FRAS1: variants seen among roughly 807,000 people sequenced by gnomAD.
FRAS1 encodes extracellular matrix organizing protein FRAS1.
Under a neutral mutation model 435.2 loss-of-function variants are expected in FRAS1, and 290 were observed. The observed-to-expected ratio is 0.67, with a 90% CI of 0.61 to 0.73. The LOEUF (loss-of-function observed/expected upper bound fraction) is 0.73, where lower values mean the gene tolerates loss of function less well. FRAS1 is among the 30% of genes least tolerant of loss of function. The probability of loss-of-function intolerance (pLI) is 0.00; values close to 1 mark genes in which losing one functional copy is unlikely to be tolerated. For missense variants in FRAS1, 4,860 were observed against 5,001.5 expected (o/e 0.97, Z 0.85); for synonymous variants, 1,800 against 1,851.0 (o/e 0.97, Z 0.71).
intron 2 of FRAS1, among the ~76,000 whole-genome samples, chr4:78,068,916 G>A (rs1740193848): frequency 7.0e-6 from 1 of 142,842 alleles, no homozygotes; most frequent in African/African-American, 2.7e-5. Flanking sequence ...ACATGCCCTA[G>A]CGTTAAAGAA....
At chr4:78,325,828 A>G (rs1471078954) in intron 18 of FRAS1, among the ~76,000 whole-genome samples, 1 of 152,224 alleles carries the variant, frequency 6.6e-6, no homozygotes, top group Non-Finnish European at 1.5e-5. Context: ...AGATTTGTAG[A>G]GGGAAAACTT....
At chr4:78,227,140 C>G (rs774497915) in intron 2 of FRAS1, among the ~76,000 whole-genome samples, 1 of 152,146 alleles carries the variant, frequency 6.6e-6, no homozygotes. Flanking sequence ...CTTTCCTTGA[C>G]TAGTTAAGTC....
At chr4:78,526,403 T>C (rs1721535498) in intron 69 of FRAS1, 138 bp from the exon 70 acceptor site, 6 of 572,630 alleles carry the variant, frequency 1.0e-5, no homozygotes, top group Non-Finnish European at 1.9e-5. Flanking sequence ...GAAAATGGTG[T>C]TTGCAGACTT....
At chr4:78,165,397 G>A (rs1043364715) in intron 2 of FRAS1, among the ~76,000 whole-genome samples, 5 of 152,146 alleles carry the variant, frequency 3.3e-5, no homozygotes, top group African/African-American at 7.2e-5. Context: ...ATATGATTTC[G>A]TGGATGGCAC....
At chr4:78,074,677 T>C (rs1438037262) in intron 2 of FRAS1, among the ~76,000 whole-genome samples, 1 of 152,128 alleles carries the variant, frequency 6.6e-6, no homozygotes, top group Non-Finnish European at 1.5e-5. Context: ...TTGCCAGGGA[T>C]TGGTTTAGGA....
chr4:78,536,920 C>A (rs1224992922), intron 71 of FRAS1, 75 bp from the exon 72 acceptor site: 5 of 1,202,450 alleles, frequency 4.2e-6, no homozygotes, highest in Non-Finnish European at 6.1e-6. Context: ...GCATGTTTAA[C>A]CCCTTTCAAC....
chr4:78,456,430 A>G (rs992845061), intron 47 of FRAS1, among the ~76,000 whole-genome samples: 1 of 152,190 alleles, frequency 6.6e-6, no homozygotes, highest in African/African-American at 2.4e-5. Flanking sequence ...GGCATGAGCC[A>G]TGTACCAGGC....
At chr4:78,334,619 T>C (rs888414467) in intron 19 of FRAS1, among the ~76,000 whole-genome samples, 6 of 152,228 alleles carry the variant, frequency 3.9e-5, no homozygotes, top group East Asian at 3.9e-4. Context: ...TCCACCCGCC[T>C]CAGCCTCCCA....
At chr4:78,128,416 T>G (rs973499183) in intron 2 of FRAS1, among the ~76,000 whole-genome samples, 1 of 152,220 alleles carries the variant, frequency 6.6e-6, no homozygotes, top group East Asian at 1.9e-4. Context: ...CAGCACCTGT[T>G]GTTTCCTGAC....
intron 4 of FRAS1, among the ~76,000 whole-genome samples, chr4:78,251,947 G>A (rs1725551754): frequency 6.6e-6 from 1 of 152,058 alleles, no homozygotes; most frequent in Admixed American, 6.6e-5. Flanking sequence ...GACAGAAAGG[G>A]GGGAGTGGAA....
chr4:78,199,699 C>T (rs982115947), intron 2 of FRAS1, among the ~76,000 whole-genome samples: 2 of 152,170 alleles, frequency 1.3e-5, no homozygotes, highest in African/African-American at 4.8e-5. Flanking sequence ...TCCAGACTTC[C>T]ACCTCCTAAG....
chr4:78,333,994 G>T (rs55879884), intron 19 of FRAS1, among the ~76,000 whole-genome samples: 1 of 152,030 alleles, frequency 6.6e-6, no homozygotes, highest in Non-Finnish European at 1.5e-5. Context: ...AAAAAGTGTT[G>T]CCCAGGCTAG....
chr4:78,339,505 T>A lies in FRAS1; in HGVS notation c.2422+1688T>A, dbSNP rs577978240. On this transcript the variant is annotated intron_variant, in intron 20 of 73. Coordinates refer to ENST00000512123, the MANE Select transcript of FRAS1 (RefSeq NM_025074.7). Reference sequence around the variant, plus strand: ...TTCAAGGTAGGGAGAAGTAACAAGATATGGAAGGCATTATGCGGGGGGGTG... The same window carrying A: ...TTCAAGGTAGGGAGAAGTAACAAGAAATGGAAGGCATTATGCGGGGGGGTG... 2.6e-5 allele frequency among the ~76,000 whole-genome samples: 4 copies of A among 152,262 alleles called. No individual in the cohort carries two copies. The South Asian group carries it at 8.3e-4, about 32-fold the overall frequency.
At chr4:78,284,116 G>T (rs2110183105) in intron 12 of FRAS1, among the ~76,000 whole-genome samples, 1 of 151,790 alleles carries the variant, frequency 6.6e-6, no homozygotes, top group African/African-American at 2.4e-5. Flanking sequence ...CCTGTTTCTT[G>T]AAGTATTCCA....
At chr4:78,111,503 C>G (rs1265303742) in intron 2 of FRAS1, among the ~76,000 whole-genome samples, 2 of 49,314 alleles carry the variant, frequency 4.1e-5, no homozygotes, top group East Asian at 1.1e-3. Flanking sequence ...ATCGCAAGAA[C>G]AAAAAACCAA....
intron 65 of FRAS1, among the ~76,000 whole-genome samples, chr4:78,514,983 G>T (rs888254754): frequency 1.3e-5 from 2 of 150,270 alleles, no homozygotes; most frequent in East Asian, 3.9e-4. Flanking sequence ...CAGGAGAATC[G>T]CTTGAACCCA....
intron 2 of FRAS1, among the ~76,000 whole-genome samples, chr4:78,166,001 G>A (rs550877397): frequency 4.7e-4 from 71 of 152,196 alleles, no homozygotes; most frequent in South Asian, 4.6e-3. Flanking sequence ...ATGGAAACAG[G>A]GAAGGGTGAA....
intron 2 of FRAS1, among the ~76,000 whole-genome samples, chr4:78,134,462 G>C (rs571333089): frequency 6.6e-6 from 1 of 152,240 alleles, no homozygotes; most frequent in African/African-American, 2.4e-5. Context: ...TTACTTGTAG[G>C]ATTAGTTTTG....
chr4:78,285,359 C>CA (rs1375413980), intron 13 of FRAS1, among the ~76,000 whole-genome samples: 41 of 126,562 alleles, frequency 3.2e-4, no homozygotes, highest in South Asian at 1.3e-3. Flanking sequence ...GACTCCGTCT[C>CA]AAAAAAAAAA....
Sources: gnomAD v4.1 joint callset for allele counts (sites outside exome capture counted in the v4.1 genomes callset) on GRCh38, gnomAD v4.1.1 for gene constraint, MANE v1.5 for transcripts, NCBI Gene and HGNC (gene_info 2026-07-23, HGNC 2026-07-21) for gene names.